Variants in SP110 observed in about 807,000 individuals in gnomAD.
SP110 encodes SP110 nuclear body protein, also known as interferon-induced protein 41, 30kD.
A neutral mutation model predicts 92.7 loss-of-function variants in SP110; 62 were observed. The ratio of observed to expected loss-of-function variants is 0.67; its 90% CI spans 0.55 to 0.83. The LOEUF (loss-of-function observed/expected upper bound fraction) is 0.83, where lower values mean the gene tolerates loss of function less well. Among genes scored for constraint, SP110 ranks in the 40% least tolerant of loss-of-function variants. The pLI is 0.00. For synonymous variants in SP110, 273 were observed against 305.3 expected (o/e 0.89, Z 1.10); for missense variants, 793 against 863.9 (o/e 0.92, Z 1.03).
At chr2:230,217,313 TGGGCAGATCTAAAG>T (rs1487319076) in intron 1 of SP110, among the ~76,000 whole-genome samples, 1 of 150,962 alleles carries the variant, frequency 6.6e-6, no homozygotes, top group Admixed American at 6.6e-5. Context: ...CTGCATTAAA[TGGGCAGATCTAAAG>T]GTAAGCATTC....
chr2:230,188,779 A>T (rs1355377528), intron 10 of SP110, among the ~76,000 whole-genome samples: 1 of 152,194 alleles, frequency 6.6e-6, no homozygotes, highest in South Asian at 2.1e-4. Context: ...GATGTACCAC[A>T]TTATTGACTT....
In SP110 at chr2:230,177,573, G is replaced by T. The variant is rs765616523; in HGVS notation, c.1555C>A (p.Arg519Ser). The change falls in exon 14 of 19, where the codon CGT becomes AGT. Residue 519 changes from arginine (R) to serine (S), a missense_variant. Physicochemically the swap from Arg to Ser is moderately radical, Grantham distance 110. Coordinates refer to ENST00000258381, the MANE Select transcript of SP110 (RefSeq NM_080424.4). Reference sequence around the variant, plus strand: ...TCTCCTAGGGTCATTCCTTCACAACGTATATTCCGTTTCCAGTTCTTTGCG... The same window carrying T: ...TCTCCTAGGGTCATTCCTTCACAACTTATATTCCGTTTCCAGTTCTTTGCG... ...RNAKNWKRNI[R>S]CEGMTLGELL... The T allele has an allele frequency of 1.2e-6, 2 of 1,613,812 alleles. No homozygotes were observed. Among genetic ancestry groups the T allele is most frequent in the African/African-American group, 2.7e-5 (2 of 74,892 alleles).
In SP110 at chr2:230,178,209, G is replaced by A. The variant is rs767345511; in HGVS notation, c.1395C>T (p.Pro465=). The A allele has an allele frequency of 3.4e-5, 55 of 1,613,370 alleles. No individual in the cohort carries two copies. In the Admixed American group the frequency reaches 4.5e-4, roughly 13 times the overall value. The change falls in exon 13 of 19, where the codon CCC becomes CCT. Residue 465 remains proline (P), a synonymous_variant. Transcript: ENST00000258381. ...DTVDFHCSKL[P]VTCGEAKGIL... ...TCCCTTTCGCCTCACCACAGGTCACGGGGAGCTTAGAACAGTGAAAATCCA... is the reference window on the plus strand; with the variant it reads ...TCCCTTTCGCCTCACCACAGGTCACAGGGAGCTTAGAACAGTGAAAATCCA...
chr2:230,170,073 C>A (rs540657519), intron 18 of SP110, among the ~76,000 whole-genome samples: 43 of 152,272 alleles, frequency 2.8e-4, no homozygotes, highest in African/African-American at 1.0e-3. Flanking sequence ...TCAGGAAAAA[C>A]CAAAGTTACA....
intron 12 of SP110, among the ~76,000 whole-genome samples, chr2:230,178,540 C>G: frequency 6.6e-6 from 1 of 152,104 alleles, no homozygotes; most frequent in East Asian, 1.9e-4. Context: ...TTGGCTGTCA[C>G]TGAATAGTCT....
chr2:230,177,479 G>A, intron 14 of SP110, 59 bp downstream of exon 14: 2 of 1,548,106 alleles, frequency 1.3e-6, no homozygotes, highest in Non-Finnish European at 1.8e-6. Flanking sequence ...TGCTCTTAAA[G>A]CTCCACTTCT....
rs2042383318 is a variant in SP110 at position 230,186,838 on chromosome 2, CT to C, written c.1130-696del. Among the ~76,000 whole-genome samples, 3 of 152,210 alleles carry C rather than the reference CT, an allele frequency of 2.0e-5. No homozygotes were observed. In the South Asian group the frequency reaches 6.2e-4, roughly 32 times the overall value. ...TTGCTGCAAAAGACATTATTTCATT[CT>C]TTTTTTATGGCTGAGTAATACACCA... On this transcript the variant is annotated intron_variant, in intron 10 of 18. Coordinates refer to ENST00000258381, the MANE Select transcript of SP110 (RefSeq NM_080424.4).
chr2:230,212,664 T>C (rs754491339), intron 4 of SP110, 97 bp downstream of exon 4: 3 of 1,486,876 alleles, frequency 2.0e-6, no homozygotes, highest in Non-Finnish European at 2.8e-6. Flanking sequence ...AGAGAAGAAC[T>C]AGGACAATAA....
intron 7 of SP110, among the ~76,000 whole-genome samples, chr2:230,208,768 G>A (rs962053947): frequency 6.6e-6 from 1 of 152,224 alleles, no homozygotes; most frequent in Non-Finnish European, 1.5e-5. Flanking sequence ...ACTCTCTCCA[G>A]CACTGCTGGC....
At chr2:230,180,521 A>G (rs1361089619) in intron 12 of SP110, among the ~76,000 whole-genome samples, 1 of 152,178 alleles carries the variant, frequency 6.6e-6, no homozygotes, top group African/African-American at 2.4e-5. Flanking sequence ...CCGCATAACA[A>G]TGTGTAAGAA....
chr2:230,210,399 C>T (rs544499923), intron 6 of SP110, among the ~76,000 whole-genome samples: 6 of 152,280 alleles, frequency 3.9e-5, no homozygotes, highest in South Asian at 2.1e-4. Flanking sequence ...AAGCTGAGAG[C>T]GGAAAGTGGT....
At chr2:230,193,086 C>A (rs2042708434) in intron 10 of SP110, among the ~76,000 whole-genome samples, 1 of 152,076 alleles carries the variant, frequency 6.6e-6, no homozygotes, top group African/African-American at 2.4e-5. Context: ...TTAGATTGAT[C>A]CTTTTATCAT....
chr2:230,176,486 T>C, intron 14 of SP110: 1 of 1,481,944 alleles, frequency 6.7e-7, no homozygotes, highest in Non-Finnish European at 8.9e-7. Flanking sequence ...GCTTTTTCAT[T>C]TAATTTTTAT....
chr2:230,178,660 T>C (rs957683), intron 12 of SP110, among the ~76,000 whole-genome samples: 115,233 of 152,114 alleles, frequency 0.76, 44,220 homozygotes, highest in Middle Eastern at 0.86. Flanking sequence ...TTTCCTGACT[T>C]AAATGAAGAC....
intron 16 of SP110, 39 bp downstream of exon 16, chr2:230,172,026 GA>G (rs1560522108): frequency 8.0e-7 from 1 of 1,245,758 alleles, no homozygotes; most frequent in East Asian, 2.3e-5. Context: ...TCTCGTGTGA[GA>G]AGGGAAAAGT....
upstream of SP110, among the ~76,000 whole-genome samples, chr2:230,223,771 A>G (rs1212420152): frequency 6.6e-6 from 1 of 152,228 alleles, no homozygotes; most frequent in Non-Finnish European, 1.5e-5. Context: ...AAGACTCTAT[A>G]CAATTCATTT....
At chr2:230,214,423 C>A (rs1028909516) in intron 3 of SP110, among the ~76,000 whole-genome samples, 3 of 152,136 alleles carry the variant, frequency 2.0e-5, no homozygotes, top group African/African-American at 7.2e-5. Context: ...GCTTCTTAAC[C>A]AACAAGTAAT....
chr2:230,180,211 A>C (rs1470185567), intron 12 of SP110, among the ~76,000 whole-genome samples: 1 of 152,236 alleles, frequency 6.6e-6, no homozygotes, highest in Non-Finnish European at 1.5e-5. Flanking sequence ...CAGGGAAAGG[A>C]AAAGCAAGGT....
intron 18 of SP110, 63 bp from the exon 19 acceptor site, chr2:230,169,300 C>T: frequency 1.0e-6 from 1 of 988,688 alleles, no homozygotes; most frequent in Non-Finnish European, 1.6e-6. Context: ...TCAAATCACT[C>T]ATACTTTTTT....
Sources: allele counts gnomAD v4.1 joint callset (sites outside exome capture counted in the v4.1 genomes callset), GRCh38; gene constraint gnomAD v4.1.1; transcripts MANE v1.5; gene names NCBI Gene and HGNC (gene_info 2026-07-23, HGNC 2026-07-21).